Variants in PRPSAP1 observed in about 807,000 individuals in gnomAD.
The protein encoded by PRPSAP1 is phosphoribosyl pyrophosphate synthase-associated protein 1.
In PRPSAP1, 31 loss-of-function variants were observed where a neutral mutation model predicts 39.4. The ratio of observed to expected loss-of-function variants is 0.79; its 90% CI spans 0.59 to 1.06. PRPSAP1 has a LOEUF of 1.06. PRPSAP1 is among the 50% of genes least tolerant of loss of function. The pLI is 0.00. For missense variants in PRPSAP1, 430 were observed against 511.6 expected, an observed-to-expected ratio of 0.84 and a Z score of 1.54; for synonymous variants, 212 against 192.6, an observed-to-expected ratio of 1.10 and a Z score of -0.83.
At chr17:76,323,884 G>A (rs1398680564) in intron 7 of PRPSAP1, among the ~76,000 whole-genome samples, 1 of 151,920 alleles carries the variant, frequency 6.6e-6, no homozygotes, top group Admixed American at 6.6e-5. Context: ...AGTGGCTCAC[G>A]CCTGTAATCC....
Position 76,316,346 on chromosome 17 carries a change from C to T in PRPSAP1, c.782-2455G>A, listed in dbSNP as rs1020455105. On this transcript the variant is annotated intron_variant, in intron 7 of 9. Transcript: ENST00000446526. The stretch of plus-strand genomic sequence containing the variant: ...ACTACTGTTAGTTTCGCATGAAAAA[C>T]CTAGGCTCTGCTAGGAGGGAGGCTA... Among the ~76,000 whole-genome samples, 3 of 152,162 alleles carry T rather than the reference C, an allele frequency of 2.0e-5. No individual in the cohort carries two copies. In the South Asian group the frequency reaches 6.2e-4, roughly 32 times the overall value.
At chr17:76,353,498 G>A (rs1475948021) in intron 1 of PRPSAP1, 36 bp downstream of exon 1, 7 of 1,465,218 alleles carry the variant, frequency 4.8e-6, no homozygotes, top group East Asian at 2.9e-5. Flanking sequence ...GCTAGGCGCC[G>A]CCGCCCCCGG....
At chr17:76,324,778 C>T (rs1454625894) in intron 7 of PRPSAP1, among the ~76,000 whole-genome samples, 1 of 151,446 alleles carries the variant, frequency 6.6e-6, no homozygotes, top group Non-Finnish European at 1.5e-5. Flanking sequence ...TTGCCTGAGG[C>T]TGGCAGGGTG....
chr17:76,346,500 AC>A (rs768032869), intron 2 of PRPSAP1, among the ~76,000 whole-genome samples: 1 of 151,578 alleles, frequency 6.6e-6, no homozygotes, highest in Non-Finnish European at 1.5e-5. Flanking sequence ...TTGGCACCTG[AC>A]CCCCCCATAA....
At chr17:76,332,676 T>C (rs1184438248) in intron 3 of PRPSAP1, among the ~76,000 whole-genome samples, 5 of 152,076 alleles carry the variant, frequency 3.3e-5, no homozygotes, top group Non-Finnish European at 7.4e-5. Context: ...CACCCTCACA[T>C]TTGCCTGGGT....
chr17:76,326,962 A>G (rs903700592), intron 7 of PRPSAP1, among the ~76,000 whole-genome samples: 1 of 152,174 alleles, frequency 6.6e-6, no homozygotes, highest in African/African-American at 2.4e-5. Context: ...ATAAATGTTA[A>G]ATTTGGGGAC....
intron 2 of PRPSAP1, among the ~76,000 whole-genome samples, chr17:76,344,962 G>A (rs1004615135): frequency 7.9e-5 from 12 of 151,960 alleles, no homozygotes; most frequent in African/African-American, 2.9e-4. Flanking sequence ...TTAGCTGGGC[G>A]CGGTGGCTCA....
chr17:76,333,810 C>T (rs1187764988), intron 3 of PRPSAP1, among the ~76,000 whole-genome samples: 1 of 152,178 alleles, frequency 6.6e-6, no homozygotes, highest in African/African-American at 2.4e-5. Context: ...ATTTGGATTG[C>T]TAGCTTTTGC....
At chr17:76,316,174 T>TAAAAAAAAAAAA (rs1377721818) in intron 7 of PRPSAP1, among the ~76,000 whole-genome samples, 1 of 73,514 alleles carries the variant, frequency 1.4e-5, no homozygotes. Context: ...AGACTCCGTC[T>TAAAAAAAAAAAA]AAAAAAAAAA....
At chr17:76,353,116 G>C (rs566845535) in intron 1 of PRPSAP1, 6 of 161,250 alleles carry the variant, frequency 3.7e-5, no homozygotes, top group African/African-American at 1.4e-4. Context: ...AACCACGCCC[G>C]CGGGTCTCAC....
At chr17:76,316,174 T>TAAAAAAAAAAA (rs1377721818) in intron 7 of PRPSAP1, among the ~76,000 whole-genome samples, 1 of 73,522 alleles carries the variant, frequency 1.4e-5, no homozygotes. Flanking sequence ...AGACTCCGTC[T>TAAAAAAAAAAA]AAAAAAAAAA....
At chr17:76,319,626 G>A (rs1215638780) in intron 7 of PRPSAP1, among the ~76,000 whole-genome samples, 2 of 151,934 alleles carry the variant, frequency 1.3e-5, no homozygotes, top group Admixed American at 6.6e-5. Flanking sequence ...CCGCCACCAT[G>A]CTCGGCTAAT....
chr17:76,334,880 T>G (rs998779382), intron 3 of PRPSAP1, among the ~76,000 whole-genome samples: 8 of 152,156 alleles, frequency 5.3e-5, no homozygotes, highest in African/African-American at 1.9e-4. Flanking sequence ...TCAAGAAAGT[T>G]GGGAATTCAT....
At position 76,309,907 on chromosome 17, in the gene PRPSAP1, G is replaced by A. The variant is rs2071051532; in HGVS notation, c.*1635C>T. 2 of 152,036 alleles carry A rather than the reference G, an allele frequency of 1.3e-5. No individual in the cohort carries two copies. Among genetic ancestry groups the A allele is most frequent in the African/African-American group, 4.8e-5 (2 of 41,384 alleles). The allele number at this position is 152,036 out of a possible 1,614,324, so 9.4% of individuals were successfully genotyped here. On this transcript the variant is annotated 3_prime_UTR_variant, in exon 10 of 10. Transcript: ENST00000446526. ...AGAGGTACTGTTTATTTAATTGAAG[G>A]ATTTTCGATCATCATTATATTCCAA...
intron 1 of PRPSAP1, among the ~76,000 whole-genome samples, chr17:76,352,186 G>T (rs1245522203): frequency 6.6e-6 from 1 of 151,842 alleles, no homozygotes; most frequent in Non-Finnish European, 1.5e-5. Context: ...AAAAAGTAAC[G>T]AAGTAACTCT....
chr17:76,313,219 G>A (rs750842940), intron 8 of PRPSAP1: 13 of 526,076 alleles, frequency 2.5e-5, no homozygotes, highest in South Asian at 1.9e-4. Context: ...TGTCAGAGGC[G>A]GGCGCAGTCA....
intron 1 of PRPSAP1, 28 bp downstream of exon 1, chr17:76,353,506 C>G (rs1297713721): frequency 4.1e-6 from 6 of 1,472,500 alleles, no homozygotes; most frequent in African/African-American, 3.0e-5. Flanking sequence ...CCGCCGCCCC[C>G]GGCCCGGCCC....
chr17:76,340,006 C>T lies in PRPSAP1; in HGVS notation c.290+4665G>A, dbSNP rs1467206780. Among the ~76,000 whole-genome samples the T allele has an allele frequency of 2.6e-5, 4 of 151,676 alleles. No individual in the cohort carries two copies. In the East Asian group the frequency reaches 5.8e-4, roughly 22 times the overall value. ...ATTAGCCATGCATGGTGGCATGTGC[C>T]TGTAGCCCCAGCTACTTGGGAGGGT... On this transcript the variant is annotated intron_variant, in intron 3 of 9. Transcript: ENST00000446526.
At chr17:76,336,266 C>T (rs1021689483) in intron 3 of PRPSAP1, among the ~76,000 whole-genome samples, 3 of 151,976 alleles carry the variant, frequency 2.0e-5, no homozygotes, top group Admixed American at 6.6e-5. Flanking sequence ...GGTGAAAGCC[C>T]GTCTCTACTA....
Sources: gnomAD v4.1 joint callset for allele counts (sites outside exome capture counted in the v4.1 genomes callset) on GRCh38, gnomAD v4.1.1 for gene constraint, MANE v1.5 for transcripts, NCBI Gene and HGNC (gene_info 2026-07-23, HGNC 2026-07-21) for gene names.